Variants in ATXN1 observed in about 807,000 individuals in gnomAD.
The protein encoded by ATXN1 is ataxin-1.
In ATXN1, 8 loss-of-function variants were observed where a neutral mutation model predicts 56.4. That is an observed-to-expected ratio of 0.14 (90% confidence interval 0.08 to 0.26). The LOEUF is 0.26. ATXN1 is among the 10% of genes least tolerant of loss of function. The pLI is 1.00. For synonymous variants in ATXN1, 514 were observed against 494.6 expected, an observed-to-expected ratio of 1.04 and a Z score of -0.52; for missense variants, 987 against 1,106.5, an observed-to-expected ratio of 0.89 and a Z score of 1.53.
chr6:16,587,692 G>C (rs558428767), intron 3 of ATXN1, among the ~76,000 whole-genome samples: 2 of 152,036 alleles, frequency 1.3e-5, no homozygotes, highest in East Asian at 3.9e-4. Flanking sequence ...CAGCACTTTG[G>C]GGGGCCAAGG....
intron 2 of ATXN1, among the ~76,000 whole-genome samples, chr6:16,676,344 G>T (rs1452697522): frequency 1.3e-5 from 2 of 152,082 alleles, no homozygotes; most frequent in African/African-American, 4.8e-5. Flanking sequence ...AGTTACTGAA[G>T]TATATAACAC....
chr6:16,471,506 T>G (rs1370834954), intron 6 of ATXN1, among the ~76,000 whole-genome samples: 1 of 152,202 alleles, frequency 6.6e-6, no homozygotes, highest in Non-Finnish European at 1.5e-5. Flanking sequence ...AGAGGGGTTT[T>G]AATATTAAGA....
intron 4 of ATXN1, among the ~76,000 whole-genome samples, chr6:16,541,460 G>A (rs962823728): frequency 1.3e-5 from 2 of 152,020 alleles, no homozygotes; most frequent in East Asian, 1.9e-4. Flanking sequence ...TTTCAGTCCC[G>A]AGGGCTGATC....
intron 3 of ATXN1, among the ~76,000 whole-genome samples, chr6:16,597,077 T>A (rs1282328950): frequency 6.6e-6 from 1 of 152,030 alleles, no homozygotes; most frequent in Non-Finnish European, 1.5e-5. Context: ...CAGAGGGGAG[T>A]GCCACTGCTC....
At chr6:16,541,064 C>A (rs1022052872) in intron 4 of ATXN1, among the ~76,000 whole-genome samples, 5 of 152,194 alleles carry the variant, frequency 3.3e-5, no homozygotes, top group African/African-American at 1.2e-4. Context: ...AACCACAGGA[C>A]CTTTCTAAGA....
At chr6:16,325,953 A>G (rs911463126) in intron 7 of ATXN1, among the ~76,000 whole-genome samples, 9 of 152,104 alleles carry the variant, frequency 5.9e-5, no homozygotes, top group Non-Finnish European at 8.8e-5. Flanking sequence ...ATTTTAAAAC[A>G]TGGATGTTGC....
rs192233946 is a variant in ATXN1, at chr6:16,486,705, G to A, written c.-298-596C>T. On this transcript the variant is annotated intron_variant, in intron 5 of 7. Coordinates refer to ENST00000436367, the MANE Select transcript of ATXN1 (RefSeq NM_001128164.2). ...CAGAAACGAAGAATCTGGAATCTCC[G>A]GGAAAAAGAAAGTGAAGGCATCACG... Among the ~76,000 whole-genome samples the A allele has an allele frequency of 5.3e-5, 8 of 152,178 alleles. No homozygotes were observed. The East Asian group carries it at 9.7e-4, about 18-fold the overall frequency.
chr6:16,600,361 G>A (rs1204709998), intron 3 of ATXN1, among the ~76,000 whole-genome samples: 1 of 152,162 alleles, frequency 6.6e-6, no homozygotes, highest in Admixed American at 6.5e-5. Flanking sequence ...AAAGTTGACT[G>A]TATAATAATG....
At chr6:16,428,519 T>C (rs566603042) in intron 6 of ATXN1, among the ~76,000 whole-genome samples, 9 of 148,500 alleles carry the variant, frequency 6.1e-5, no homozygotes, top group African/African-American at 2.2e-4. Flanking sequence ...TGCACCAACA[T>C]AATATTTCTT....
intron 2 of ATXN1, among the ~76,000 whole-genome samples, chr6:16,674,629 T>C (rs1758622081): frequency 6.6e-6 from 1 of 151,990 alleles, no homozygotes; most frequent in African/African-American, 2.4e-5. Context: ...AATGCTGGGA[T>C]TATAGGCTTG....
chr6:16,480,066 C>A (rs187691302), intron 6 of ATXN1, among the ~76,000 whole-genome samples: 7 of 148,340 alleles, frequency 4.7e-5, no homozygotes, highest in Non-Finnish European at 7.4e-5. Context: ...GCAGGAGAAT[C>A]GCTTGAACCC....
intron 2 of ATXN1, chr6:16,736,788 G>A (rs556345825): frequency 2.1e-4 from 32 of 152,216 alleles, no homozygotes; most frequent in African/African-American, 6.3e-4. Flanking sequence ...GGGTACATAC[G>A]AACAGCTCCC....
intron 6 of ATXN1, among the ~76,000 whole-genome samples, chr6:16,469,861 G>C (rs1416751510): frequency 6.6e-6 from 1 of 151,924 alleles, no homozygotes; most frequent in Non-Finnish European, 1.5e-5. Flanking sequence ...TACTTGGGAG[G>C]CTGAGGCAAC....
chr6:16,317,050 C>T (rs1333188442), intron 7 of ATXN1, among the ~76,000 whole-genome samples: 1 of 152,014 alleles, frequency 6.6e-6, no homozygotes, highest in Admixed American at 6.6e-5. Flanking sequence ...TATTGAATCA[C>T]ACTTCAGTTA....
At chr6:16,705,469 C>T (rs1169572918) in intron 2 of ATXN1, among the ~76,000 whole-genome samples, 1 of 152,154 alleles carries the variant, frequency 6.6e-6, no homozygotes, top group African/African-American at 2.4e-5. Context: ...GGCACCTTTC[C>T]CTGAAGGTCC....
chr6:16,459,558 C>A (rs970974384), intron 6 of ATXN1, among the ~76,000 whole-genome samples: 3 of 152,170 alleles, frequency 2.0e-5, no homozygotes, highest in East Asian at 1.9e-4. Flanking sequence ...AACCCCTATA[C>A]CCTGCTCTCT....
chr6:16,684,224 T>C (rs1758871931), intron 2 of ATXN1, among the ~76,000 whole-genome samples: 3 of 152,186 alleles, frequency 2.0e-5, no homozygotes, highest in Admixed American at 6.5e-5. Flanking sequence ...ATAACCCTCC[T>C]CTCATTTTAA....
rs144305851 is a variant in ATXN1, at chr6:16,474,116, C to A, written c.-161+11856G>T. 5.2e-3 allele frequency among the ~76,000 whole-genome samples: 787 copies of A among 152,376 alleles called. 5 individuals carry two copies. The highest frequency in any genetic ancestry group is 0.018 in the African/African-American group (743 of 41,596). ...CTTCACATATGCCTGACTCCAGCCACTCCAAACTACTTGCTGTCTTCCAAC... is the reference window on the plus strand; with the variant it reads ...CTTCACATATGCCTGACTCCAGCCAATCCAAACTACTTGCTGTCTTCCAAC... On this transcript the variant is annotated intron_variant, in intron 6 of 7. Transcript: ENST00000436367.
chr6:16,470,837 T>C (rs1377765511), intron 6 of ATXN1, among the ~76,000 whole-genome samples: 1 of 152,088 alleles, frequency 6.6e-6, no homozygotes, highest in African/African-American at 2.4e-5. Flanking sequence ...CTATAAAAAA[T>C]AATTAAGAGA....
Sources: gnomAD v4.1 joint callset for allele counts (sites outside exome capture counted in the v4.1 genomes callset) on GRCh38, gnomAD v4.1.1 for gene constraint, MANE v1.5 for transcripts, NCBI Gene and HGNC (gene_info 2026-07-23, HGNC 2026-07-21) for gene names.